CDCA7L: variants seen among roughly 807,000 people sequenced by gnomAD.
CDCA7L encodes the protein cell division cycle associated 7 like.
A neutral mutation model predicts 57.4 loss-of-function variants in CDCA7L; 44 were observed. The observed-to-expected ratio is 0.77, with a 90% CI of 0.60 to 0.98. The LOEUF (loss-of-function observed/expected upper bound fraction) is 0.98, where lower values mean the gene tolerates loss of function less well. Ranked by LOEUF, CDCA7L falls within the 50% of genes least tolerant of loss-of-function variation. The pLI, the probability that CDCA7L is intolerant of heterozygous loss-of-function variation, is 0.00. For synonymous variants in CDCA7L, 236 were observed against 202.8 expected, an observed-to-expected ratio of 1.16 and a Z score of -1.39; for missense variants, 644 against 580.6, an observed-to-expected ratio of 1.11 and a Z score of -1.12.
chr7:21,925,082 T>C (rs977394045), intron 1 of CDCA7L, among the ~76,000 whole-genome samples: 1 of 151,334 alleles, frequency 6.6e-6, no homozygotes, highest in African/African-American at 2.4e-5. Context: ...AAGAAGAAAA[T>C]TCAGAAACAA....
In CDCA7L at chr7:21,901,868, T is replaced by G. The variant is rs1403350923; in HGVS notation, c.*454A>C. ...CACTTTGTTCAGTGTAAATTTCCAA[T>G]GACCAAGAGCAGGTTAAACGATGTG... On this transcript the variant is annotated 3_prime_UTR_variant, in exon 10 of 10. Transcript: ENST00000406877. 1 of 177,676 alleles carries G rather than the reference T, an allele frequency of 5.6e-6. No homozygotes were observed. The highest frequency in any genetic ancestry group is 2.4e-5 in the African/African-American group (1 of 42,090). 11.0% of individuals were successfully genotyped at this position (177,676 alleles called of 1,614,324 possible).
chr7:21,945,109 G>T (rs142470922), intron 1 of CDCA7L, among the ~76,000 whole-genome samples: 1 of 152,104 alleles, frequency 6.6e-6, no homozygotes, highest in African/African-American at 2.4e-5. Flanking sequence ...TCACTGAAAC[G>T]TTTGGGGGAA....
At chr7:21,932,631 C>A (rs181490835) in intron 1 of CDCA7L, among the ~76,000 whole-genome samples, 2 of 152,192 alleles carry the variant, frequency 1.3e-5, no homozygotes, top group Non-Finnish European at 2.9e-5. Flanking sequence ...CCCTTCCTTG[C>A]ACCTTGTACA....
intron 1 of CDCA7L, among the ~76,000 whole-genome samples, chr7:21,925,980 T>C (rs1785813435): frequency 6.6e-6 from 1 of 152,188 alleles, no homozygotes; most frequent in South Asian, 2.1e-4. Context: ...GGCACACACC[T>C]GTAGTCCCAG....
At chr7:21,928,591 G>GAATAAC (rs1335385136) in intron 1 of CDCA7L, among the ~76,000 whole-genome samples, 35 of 152,052 alleles carry the variant, frequency 2.3e-4, no homozygotes, top group African/African-American at 8.4e-4. Flanking sequence ...AGAATAACCA[G>GAATAAC]GTTAGAAAAG....
At position 21,901,007 on chromosome 7, in the gene CDCA7L, G is replaced by GCGCC; in HGVS notation, c.*1311_*1314dup. The GCGCC allele has an allele frequency of 6.3e-7, 1 of 1,583,418 alleles. No individual in the cohort carries two copies. The highest frequency in any genetic ancestry group is 8.6e-7 in the Non-Finnish European group (1 of 1,165,298). ...TGCAACCGCTGTGTTTTTGCCATAGGCGCCCGCTGGGACACCCAAGCAGGA... is the reference window on the plus strand; with the variant it reads ...TGCAACCGCTGTGTTTTTGCCATAGGCGCCCGCCCGCTGGGACACCCAAGCAGGA... On this transcript the variant is annotated 3_prime_UTR_variant, in exon 10 of 10. Coordinates refer to ENST00000406877, the MANE Select transcript of CDCA7L (RefSeq NM_018719.5).
intron 3 of CDCA7L, 137 bp from the exon 4 acceptor site, chr7:21,908,644 C>G: frequency 5.2e-6 from 5 of 953,124 alleles, no homozygotes; most frequent in Non-Finnish European, 7.4e-6. Context: ...TATGAGTTCC[C>G]TCTGAATTTC....
intron 2 of CDCA7L, among the ~76,000 whole-genome samples, chr7:21,913,811 T>C (rs956668098): frequency 1.3e-5 from 2 of 152,210 alleles, no homozygotes; most frequent in African/African-American, 4.8e-5. Context: ...TCTTTGATGG[T>C]CAGTCCTGAT....
intron 1 of CDCA7L, among the ~76,000 whole-genome samples, chr7:21,926,509 C>T (rs1430010164): frequency 6.6e-6 from 1 of 152,238 alleles, no homozygotes; most frequent in East Asian, 1.9e-4. Context: ...TCCAAGGAAG[C>T]TATACAAATG....
rs548071888 is a variant in CDCA7L, at chr7:21,910,957, A to G, written c.303+660T>C. Among the ~76,000 whole-genome samples, 578 of 150,092 alleles carry G rather than the reference A, an allele frequency of 3.9e-3. 2 individuals are homozygous for G. Among genetic ancestry groups the G allele is most frequent in the Middle Eastern group, 0.01 (3 of 292 alleles). On this transcript the variant is annotated intron_variant, in intron 3 of 9. Coordinates refer to ENST00000406877, the MANE Select transcript of CDCA7L (RefSeq NM_018719.5). ...AAGAAAGTATCTCAAGAAAGTTGTC[A>G]TCTAAGATAAACTTTTAGATAAAAG...
At position 21,916,843 on chromosome 7, in the gene CDCA7L, A is replaced by T. The variant is rs1434048979; in HGVS notation, c.76T>A (p.Phe26Ile). ...GGAACATCATCTCGGAAGCCAACAA[A>T]CTCTTCATCATCACTGGGGGCGTTA... Reference protein sequence around the residue: ...IFNAPSDDEEFVGFRDDVPME... With the variant: ...IFNAPSDDEEIVGFRDDVPME... Residue 26 changes from phenylalanine (F) to isoleucine (I), a missense_variant, in exon 2 of 10, where the codon TTT (phenylalanine) becomes ATT (isoleucine). By Grantham distance (21) the Phe-to-Ile change is conservative. Coordinates refer to ENST00000406877, the MANE Select transcript of CDCA7L (RefSeq NM_018719.5). The T allele has an allele frequency of 6.2e-7, 1 of 1,613,712 alleles. No homozygotes were observed. The highest frequency in any genetic ancestry group is 1.1e-5 in the South Asian group (1 of 91,050).
Position 21,913,584 on chromosome 7 carries a change from A to G in CDCA7L, c.166-1830T>C, listed in dbSNP as rs558619498. Among the ~76,000 whole-genome samples, 5 of 152,300 alleles carry G rather than the reference A, an allele frequency of 3.3e-5. No individual in the cohort carries two copies. In the South Asian group the frequency reaches 8.3e-4, roughly 25 times the overall value. ...CACCTGAGGCCTCTCAGTGCAAGAA[A>G]CATCTGGCTCACAGAGCCTTGGGCC... On this transcript the variant is annotated intron_variant, in intron 2 of 9. Coordinates refer to ENST00000406877, the MANE Select transcript of CDCA7L (RefSeq NM_018719.5).
rs1382915038 is a variant in CDCA7L, at chr7:21,906,659, A to C, written c.682-20T>G. 6.2e-7 allele frequency: 1 copy of C among 1,612,860 alleles called. No homozygotes were observed. Among genetic ancestry groups the C allele is most frequent in the South Asian group, 1.1e-5 (1 of 91,022 alleles). ...GGCAAGCTGAAGTTCAGAACAAAAG[A>C]AAGAATCTTACAAAAATAGGGCTCC... On this transcript the variant is annotated intron_variant, in intron 4 of 9. Transcript: ENST00000406877.
intron 9 of CDCA7L, 121 bp from the exon 10 acceptor site, chr7:21,902,473 G>T: frequency 1.1e-6 from 1 of 947,026 alleles, no homozygotes; most frequent in Non-Finnish European, 1.7e-6. Context: ...CCTGACACTC[G>T]AAATCCTGAC....
rs1344158589 is a variant in CDCA7L, at chr7:21,914,137, G to A, written c.166-2383C>T. 7.2e-5 allele frequency among the ~76,000 whole-genome samples: 11 copies of A among 152,190 alleles called. No homozygotes were observed. In the East Asian group the frequency reaches 1.2e-3, roughly 16 times the overall value. On this transcript the variant is annotated intron_variant, in intron 2 of 9. Coordinates refer to ENST00000406877, the MANE Select transcript of CDCA7L (RefSeq NM_018719.5). Reference sequence around the variant, plus strand: ...ACTTATTTTGAAGTCCATGTGACATGGAAGAAACAGACCAGAGAGCAATGG... The same window carrying A: ...ACTTATTTTGAAGTCCATGTGACATAGAAGAAACAGACCAGAGAGCAATGG...
intron 1 of CDCA7L, among the ~76,000 whole-genome samples, chr7:21,920,991 A>G (rs1440381529): frequency 6.6e-6 from 1 of 152,220 alleles, no homozygotes; most frequent in East Asian, 1.9e-4. Flanking sequence ...TAAATGGTTT[A>G]AAGGAGGAGG....
At chr7:21,933,097 T>A (rs1786064944) in intron 1 of CDCA7L, among the ~76,000 whole-genome samples, 1 of 151,920 alleles carries the variant, frequency 6.6e-6, no homozygotes, top group African/African-American at 2.4e-5. Flanking sequence ...AAAACCACAA[T>A]GAAATACCAT....
intron 1 of CDCA7L, among the ~76,000 whole-genome samples, chr7:21,927,439 G>C (rs1478609206): frequency 6.6e-6 from 1 of 152,158 alleles, no homozygotes; most frequent in Non-Finnish European, 1.5e-5. Flanking sequence ...CAAATCTGAA[G>C]ATAATGCATT....
chr7:21,902,013 T>TCTAACTTACTTACCTGAA lies in CDCA7L; in HGVS notation c.*291_*308dup, dbSNP rs1784899838. 2.7e-6 allele frequency: 1 copy of TCTAACTTACTTACCTGAA among 374,996 alleles called. No homozygotes were observed. The highest frequency in any genetic ancestry group is 4.9e-6 in the Non-Finnish European group (1 of 202,476). 23.2% of individuals were successfully genotyped at this position (374,996 alleles called of 1,614,324 possible). On this transcript the variant is annotated 3_prime_UTR_variant, in exon 10 of 10. Transcript: ENST00000406877. ...GGAGCTGATCATACAATGTTTTCTC[T>TCTAACTTACTTACCTGAA]CTAACTTACTTACCTGAACTTTAAC...
Sources: gnomAD v4.1 joint callset for allele counts (sites outside exome capture counted in the v4.1 genomes callset) on GRCh38, gnomAD v4.1.1 for gene constraint, MANE v1.5 for transcripts, NCBI Gene and HGNC (gene_info 2026-07-23, HGNC 2026-07-21) for gene names.